GRM7: variants seen among roughly 807,000 people sequenced by gnomAD.
The protein encoded by GRM7 is metabotropic glutamate receptor 7.
A neutral mutation model predicts 84.5 loss-of-function variants in GRM7; 35 were observed. That is an observed-to-expected ratio of 0.41 (90% confidence interval 0.32 to 0.55). The LOEUF (loss-of-function observed/expected upper bound fraction) is 0.55. Among genes scored for constraint, GRM7 ranks in the 20% least tolerant of loss-of-function variants. GRM7 has a pLI of 0.19. For missense variants in GRM7, 1,003 were observed against 1,194.6 expected (o/e 0.84, Z 2.36); for synonymous variants, 487 against 455.1 (o/e 1.07, Z -0.89).
At chr3:7,686,428 C>A (rs1294459367) in intron 9 of GRM7, 3 of 1,484,226 alleles carry the variant, frequency 2.0e-6, no homozygotes, top group Non-Finnish European at 1.9e-6. Flanking sequence ...AACAGTATAG[C>A]TTTTGACTGC....
intron 2 of GRM7, among the ~76,000 whole-genome samples, chr3:7,194,208 T>C (rs1695808056): frequency 6.6e-6 from 1 of 152,096 alleles, no homozygotes; most frequent in Admixed American, 6.6e-5. Context: ...CACCAAACTT[T>C]CCCAGAGATC....
chr3:7,284,294 G>GTGTA lies in GRM7; in HGVS notation c.737-14387_737-14386insATGT, dbSNP rs1215850602. Among the ~76,000 whole-genome samples, 5 of 125,722 alleles carry GTGTA rather than the reference G, an allele frequency of 4.0e-5. No homozygotes were observed. The East Asian group carries it at 1.1e-3, about 28-fold the overall frequency. The allele number at this position is 125,722 out of a possible 152,430, so 82.5% of individuals were successfully genotyped here. A position where few individuals can be genotyped will look rare whatever the true frequency, so the allele number is the denominator to read the frequency against. On this transcript the variant is annotated intron_variant, in intron 2 of 9. Coordinates refer to ENST00000357716, the MANE Select transcript of GRM7 (RefSeq NM_000844.4). The stretch of plus-strand genomic sequence containing the variant: ...GGTGTGCATGCTCACTCGTGTGTGT[G>GTGTA]TGTGTGTGTGTGTGTGTGTATATAC...
chr3:7,369,024 C>T (rs924070319), intron 4 of GRM7, among the ~76,000 whole-genome samples: 5 of 151,908 alleles, frequency 3.3e-5, no homozygotes, highest in African/African-American at 1.2e-4. Flanking sequence ...TCACACTGTT[C>T]TCCCTTTCTA....
chr3:7,161,924 G>A (rs949683902), intron 2 of GRM7, among the ~76,000 whole-genome samples: 1 of 152,202 alleles, frequency 6.6e-6, no homozygotes, highest in Non-Finnish European at 1.5e-5. Context: ...TTAGAAACAG[G>A]GCGAATGGAG....
intron 2 of GRM7, among the ~76,000 whole-genome samples, chr3:7,268,157 C>G (rs1221487874): frequency 6.6e-6 from 1 of 152,046 alleles, no homozygotes; most frequent in African/African-American, 2.4e-5. Context: ...GTTTATTTAA[C>G]TAATTATTAA....
Position 7,086,970 on chromosome 3 carries a change from C to T in GRM7, c.520-59482C>T, listed in dbSNP as rs951975101. On this transcript the variant is annotated intron_variant, in intron 1 of 9. Transcript: ENST00000357716. Reference sequence around the variant, plus strand: ...TAGCTGTCATTCTCATATTTCCTTCCAGCAGTAAATAAGGACATGGAACAG... The same window carrying T: ...TAGCTGTCATTCTCATATTTCCTTCTAGCAGTAAATAAGGACATGGAACAG... Among the ~76,000 whole-genome samples, 3 of 152,038 alleles carry T rather than the reference C, an allele frequency of 2.0e-5. No individual in the cohort carries two copies. In the South Asian group the frequency reaches 6.2e-4, roughly 32 times the overall value.
chr3:7,200,592 A>G (rs751100674), intron 2 of GRM7, among the ~76,000 whole-genome samples: 2 of 152,170 alleles, frequency 1.3e-5, no homozygotes, highest in African/African-American at 2.4e-5. Flanking sequence ...TTTAGCATGC[A>G]TCAGTATCAC....
At chr3:6,905,759 A>T (rs1696552849) in intron 1 of GRM7, among the ~76,000 whole-genome samples, 1 of 152,212 alleles carries the variant, frequency 6.6e-6, no homozygotes. Flanking sequence ...CCTTGGTCAA[A>T]AAAAGATAAT....
chr3:7,469,476 T>A (rs1292321301), intron 7 of GRM7, among the ~76,000 whole-genome samples: 1 of 152,232 alleles, frequency 6.6e-6, no homozygotes, highest in Non-Finnish European at 1.5e-5. Context: ...GTGAAATTGC[T>A]GCTCTTGAGG....
intron 1 of GRM7, among the ~76,000 whole-genome samples, chr3:7,074,665 A>C (rs577661059): frequency 6.6e-6 from 1 of 152,234 alleles, no homozygotes; most frequent in African/African-American, 2.4e-5. Flanking sequence ...TTGTTCTATA[A>C]TAATCAGTGA....
chr3:7,722,630 A>G (rs920359558), intron 9 of GRM7, among the ~76,000 whole-genome samples: 13 of 152,026 alleles, frequency 8.6e-5, no homozygotes, highest in African/African-American at 3.1e-4. Flanking sequence ...TTTAGTAGAG[A>G]CAGGGGTTCA....
At chr3:7,417,890 T>A (rs748522973) in intron 5 of GRM7, among the ~76,000 whole-genome samples, 8 of 152,066 alleles carry the variant, frequency 5.3e-5, no homozygotes, top group Non-Finnish European at 1.2e-4. Flanking sequence ...AGATGAGGGA[T>A]GAGACCCATA....
intron 1 of GRM7, among the ~76,000 whole-genome samples, chr3:6,914,412 GT>G (rs1039904311): frequency 2.0e-5 from 3 of 150,702 alleles, no homozygotes; most frequent in African/African-American, 7.3e-5. Flanking sequence ...CTATTTAGGT[GT>G]TTTTTTTTGA....
chr3:7,496,110 A>G (rs1699693208), intron 7 of GRM7, among the ~76,000 whole-genome samples: 1 of 152,190 alleles, frequency 6.6e-6, no homozygotes, highest in African/African-American at 2.4e-5. Context: ...GAGACCTGTA[A>G]GCAGCTGATG....
intron 8 of GRM7, among the ~76,000 whole-genome samples, chr3:7,592,608 C>T (rs1434934328): frequency 1.3e-5 from 2 of 152,174 alleles, no homozygotes; most frequent in African/African-American, 4.8e-5. Flanking sequence ...ACAGCATGAT[C>T]TGACAGATTT....
At position 7,575,228 on chromosome 3, in the gene GRM7, C is replaced by T. The variant is rs113381715; in HGVS notation, c.1516-3194C>T. On this transcript the variant is annotated intron_variant, in intron 7 of 9. Transcript: ENST00000357716. The stretch of plus-strand genomic sequence containing the variant: ...GAGCTACCTACTAAGACCAGGTACC[C>T]CAAAACCATAAACCTTGGATGTCCA... Among the ~76,000 whole-genome samples, 1,338 of 152,212 alleles carry T rather than the reference C, an allele frequency of 8.8e-3. 19 individuals carry two copies. The highest frequency in any genetic ancestry group is 0.029 in the African/African-American group (1,212 of 41,530).
chr3:6,877,242 G>A lies in GRM7; in HGVS notation c.519+15335G>A, dbSNP rs538912406. Among the ~76,000 whole-genome samples, 303 of 152,196 alleles carry A rather than the reference G, an allele frequency of 2.0e-3. 4 individuals are homozygous for A. The highest frequency in any genetic ancestry group is 6.7e-3 in the African/African-American group (279 of 41,522). ...TCTGGTACTGGTTTGCCTGCTATACGGAGGGGTTTGATGCAGGGAGCCTAG... is the reference window on the plus strand; with the variant it reads ...TCTGGTACTGGTTTGCCTGCTATACAGAGGGGTTTGATGCAGGGAGCCTAG... On this transcript the variant is annotated intron_variant, in intron 1 of 9. Coordinates refer to ENST00000357716, the MANE Select transcript of GRM7 (RefSeq NM_000844.4).
At chr3:6,879,254 G>A (rs1309156470) in intron 1 of GRM7, among the ~76,000 whole-genome samples, 7 of 152,088 alleles carry the variant, frequency 4.6e-5, no homozygotes, top group Non-Finnish European at 8.8e-5. Context: ...TGATTCCAGA[G>A]CCCACACACT....
chr3:7,276,093 G>A (rs760049379), intron 2 of GRM7, among the ~76,000 whole-genome samples: 1 of 151,880 alleles, frequency 6.6e-6, no homozygotes, highest in Non-Finnish European at 1.5e-5. Context: ...AGAGCTGTTG[G>A]TATTTCATTA....
Sources: allele counts gnomAD v4.1 joint callset (sites outside exome capture counted in the v4.1 genomes callset), GRCh38; gene constraint gnomAD v4.1.1; transcripts MANE v1.5; gene names NCBI Gene and HGNC (gene_info 2026-07-23, HGNC 2026-07-21).